Variants in EPB41L4A observed in about 807,000 individuals in gnomAD.
EPB41L4A encodes band 4.1-like protein 4A.
EPB41L4A carries 100 observed loss-of-function variants against 108.6 expected under a neutral mutation model. The observed-to-expected ratio is 0.92, with a 90% confidence interval of 0.78 to 1.09. The LOEUF is 1.09. Ranked by LOEUF, EPB41L4A falls within the 50% of genes least tolerant of loss-of-function variation. The pLI, the probability that EPB41L4A is intolerant of heterozygous loss-of-function variation, is 0.00. For synonymous variants in EPB41L4A, 319 were observed against 289.0 expected, an observed-to-expected ratio of 1.10 and a Z score of -1.05; for missense variants, 1,030 against 842.7, an observed-to-expected ratio of 1.22 and a Z score of -2.75.
chr5:112,368,866 TAC>T (rs1759307443), intron 1 of EPB41L4A, among the ~76,000 whole-genome samples: 1 of 152,300 alleles, frequency 6.6e-6, no homozygotes. Flanking sequence ...TATCTTTTGT[TAC>T]AGTCTTTGTC....
chr5:112,369,836 G>C (rs10076917), intron 1 of EPB41L4A, among the ~76,000 whole-genome samples: 20,115 of 152,102 alleles, frequency 0.13, 1,740 homozygotes, highest in Non-Finnish European at 0.19. Context: ...TATGGAGAAG[G>C]CTCACTGGCC....
intron 9 of EPB41L4A, among the ~76,000 whole-genome samples, chr5:112,254,761 C>T (rs1305926414): frequency 6.6e-6 from 1 of 151,904 alleles, no homozygotes; most frequent in Non-Finnish European, 1.5e-5. Context: ...TCTCAGTCAC[C>T]CCCCAGTAAT....
chr5:112,253,564 TTATTAATG>T lies in EPB41L4A; in HGVS notation c.795+5657_795+5664del, dbSNP rs548712797. On this transcript the variant is annotated intron_variant, in intron 9 of 22. Transcript: ENST00000261486. ...GCTAGATGGTAAAAGTATTATATCA[TTATTAATG>T]TATTAAGTTGTTAACCATACTGCAG... 8.8e-4 allele frequency among the ~76,000 whole-genome samples: 134 copies of T among 152,314 alleles called. 1 individual carries two copies. Among genetic ancestry groups the T allele is most frequent in the African/African-American group, 3.0e-3 (126 of 41,564 alleles).
At chr5:112,288,372 A>G (rs1293297184) in intron 2 of EPB41L4A, among the ~76,000 whole-genome samples, 1 of 152,194 alleles carries the variant, frequency 6.6e-6, no homozygotes. Context: ...AGATACTACA[A>G]ACTGAAAAGA....
chr5:112,386,778 C>A (rs942105196), intron 1 of EPB41L4A, among the ~76,000 whole-genome samples: 2 of 152,140 alleles, frequency 1.3e-5, no homozygotes, highest in African/African-American at 2.4e-5. Flanking sequence ...ATACTATATA[C>A]ATGACACTGG....
chr5:112,354,651 C>T (rs1022164807), intron 1 of EPB41L4A, among the ~76,000 whole-genome samples: 1 of 152,172 alleles, frequency 6.6e-6, no homozygotes, highest in African/African-American at 2.4e-5. Flanking sequence ...CCATCTAGCT[C>T]CCCATTTACA....
chr5:112,194,692 CT>C (rs1388847231), intron 16 of EPB41L4A, 47 bp from the exon 17 acceptor site: 1 of 1,358,518 alleles, frequency 7.4e-7, no homozygotes, highest in African/African-American at 1.5e-5. Flanking sequence ...ACATTTATAA[CT>C]CACGAACAAT....
intron 1 of EPB41L4A, among the ~76,000 whole-genome samples, chr5:112,371,203 G>A (rs1474843725): frequency 1.3e-5 from 2 of 152,208 alleles, no homozygotes; most frequent in Non-Finnish European, 2.9e-5. Context: ...CCTAGCAGCT[G>A]TTAGCTAGCA....
chr5:112,339,488 A>C (rs28535439), intron 1 of EPB41L4A, among the ~76,000 whole-genome samples: 3,745 of 51,870 alleles, frequency 0.072, 208 homozygotes, highest in African/African-American at 0.22. Context: ...ATATATATAT[A>C]TATATATCTA....
intron 12 of EPB41L4A, among the ~76,000 whole-genome samples, chr5:112,156,548 T>A (rs1161249258): frequency 6.6e-6 from 1 of 152,220 alleles, no homozygotes; most frequent in Non-Finnish European, 1.5e-5. Flanking sequence ...CCACCCACAT[T>A]GAGGAAGTAC....
intron 12 of EPB41L4A, among the ~76,000 whole-genome samples, chr5:112,233,760 T>A (rs572235323): frequency 2.2e-4 from 34 of 151,614 alleles, no homozygotes; most frequent in African/African-American, 8.2e-4. Flanking sequence ...TTGCTAAGAG[T>A]TTTTTCAATT....
At chr5:112,301,724 T>G (rs1487598057) in intron 2 of EPB41L4A, among the ~76,000 whole-genome samples, 1 of 152,144 alleles carries the variant, frequency 6.6e-6, no homozygotes, top group East Asian at 1.9e-4. Flanking sequence ...GTCTGTCAAT[T>G]TCCATAGAAA....
At chr5:112,261,143 G>A (rs1751459983) in intron 7 of EPB41L4A, among the ~76,000 whole-genome samples, 1 of 152,166 alleles carries the variant, frequency 6.6e-6, no homozygotes, top group South Asian at 2.1e-4. Flanking sequence ...TATTCTTAAA[G>A]GACAGTGCTA....
intron 1 of EPB41L4A, among the ~76,000 whole-genome samples, chr5:112,345,804 C>A (rs984445230): frequency 6.6e-6 from 1 of 151,452 alleles, no homozygotes; most frequent in South Asian, 2.1e-4. Flanking sequence ...CACACACACA[C>A]ACACACACAC....
At chr5:112,305,763 GA>G (rs1754645759) in intron 2 of EPB41L4A, among the ~76,000 whole-genome samples, 1 of 152,064 alleles carries the variant, frequency 6.6e-6, no homozygotes, top group Non-Finnish European at 1.5e-5. Flanking sequence ...AACAGGGAAA[GA>G]ATACTTTTTT....
chr5:112,397,020 A>G (rs931983176), intron 1 of EPB41L4A, among the ~76,000 whole-genome samples: 5 of 152,184 alleles, frequency 3.3e-5, no homozygotes, highest in African/African-American at 1.2e-4. Flanking sequence ...CTGGGCTTCT[A>G]GTCTGCCCAT....
At chr5:112,171,087 A>C (rs1032353948) in intron 18 of EPB41L4A, 95 bp from the exon 19 acceptor site, 12 of 1,112,632 alleles carry the variant, frequency 1.1e-5, no homozygotes, top group Non-Finnish European at 1.6e-5. Flanking sequence ...TGAAGTTCTT[A>C]TTTGCCAGCT....
At chr5:112,286,631 G>T (rs1161788411) in intron 2 of EPB41L4A, among the ~76,000 whole-genome samples, 1 of 152,114 alleles carries the variant, frequency 6.6e-6, no homozygotes, top group Non-Finnish European at 1.5e-5. Flanking sequence ...CTCTCCTGTT[G>T]CTGTGGAGGA....
intron 12 of EPB41L4A, among the ~76,000 whole-genome samples, chr5:112,212,287 TG>T (rs1483323528): frequency 4.2e-5 from 6 of 143,544 alleles, no homozygotes; most frequent in African/African-American, 1.0e-4. Context: ...TACCATTAGT[TG>T]TTTTTGTTTT....
Sources: allele counts gnomAD v4.1 joint callset (sites outside exome capture counted in the v4.1 genomes callset), GRCh38; gene constraint gnomAD v4.1.1; transcripts MANE v1.5; gene names NCBI Gene and HGNC (gene_info 2026-07-23, HGNC 2026-07-21).